LEMD3: variants seen among roughly 807,000 people sequenced by gnomAD.
The protein encoded by LEMD3 is inner nuclear membrane protein Man1.
Under a neutral mutation model 95.2 loss-of-function variants are expected in LEMD3, and 33 were observed. That is an observed-to-expected ratio of 0.35 (90% CI 0.26 to 0.46). The LOEUF (loss-of-function observed/expected upper bound fraction) is 0.46, where lower values mean the gene tolerates loss of function less well. Ranked by LOEUF, LEMD3 falls within the 20% of genes least tolerant of loss-of-function variation. The pLI is 1.00. For synonymous variants in LEMD3, 525 were observed against 474.6 expected (o/e 1.11, Z -1.38); for missense variants, 1,210 against 1,192.8 (o/e 1.01, Z -0.21).
In LEMD3 at chr12:65,246,847, A is replaced by C. The variant is rs1331005497; in HGVS notation, c.*522A>C. The C allele has an allele frequency of 2.5e-5, 4 of 160,148 alleles. No individual in the cohort carries two copies. The highest frequency in any genetic ancestry group is 2.5e-4 in the Admixed American group (4 of 16,170). The allele number at this position is 160,148 out of a possible 1,614,324, so 9.9% of individuals were successfully genotyped here. On this transcript the variant is annotated 3_prime_UTR_variant, in exon 13 of 13. Coordinates refer to ENST00000308330, the MANE Select transcript of LEMD3 (RefSeq NM_014319.5). ...AATATGGGAAAATTAATTTGGGCTT[A>C]GTGGTTACAAATATGTGTAAGTGGA...
chr12:65,187,956 T>C (rs1475918488), intron 1 of LEMD3, among the ~76,000 whole-genome samples: 1 of 152,150 alleles, frequency 6.6e-6, no homozygotes, highest in African/African-American at 2.4e-5. Context: ...TTGAATTTAG[T>C]CCTAATCTGG....
At chr12:65,210,157 A>G (rs1331731372) in intron 1 of LEMD3, among the ~76,000 whole-genome samples, 1 of 152,072 alleles carries the variant, frequency 6.6e-6, no homozygotes, top group Non-Finnish European at 1.5e-5. Context: ...GTTGGATGGA[A>G]AGTGGTAAAT....
intron 3 of LEMD3, 50 bp from the exon 4 acceptor site, chr12:65,218,502 C>A: frequency 9.3e-7 from 1 of 1,076,752 alleles, no homozygotes; most frequent in South Asian, 1.4e-5. Context: ...TTGTTTTCTT[C>A]TGTTTAAGAG....
At chr12:65,198,215 G>A (rs1236413910) in intron 1 of LEMD3, among the ~76,000 whole-genome samples, 1 of 152,050 alleles carries the variant, frequency 6.6e-6, no homozygotes, top group East Asian at 1.9e-4. Context: ...AACAGTTAAT[G>A]TTTAAAATTT....
chr12:65,194,042 C>T lies in LEMD3; in HGVS notation c.1523-16884C>T, dbSNP rs554982763. Among the ~76,000 whole-genome samples the T allele has an allele frequency of 3.3e-5, 5 of 152,158 alleles. No individual in the cohort carries two copies. In the South Asian group the frequency reaches 1.0e-3, roughly 32 times the overall value. ...ATTAAACCAACAATATTGAGCTAGTCTTATTTACCCAAGATTTACCCAAGT... is the reference window on the plus strand; with the variant it reads ...ATTAAACCAACAATATTGAGCTAGTTTTATTTACCCAAGATTTACCCAAGT... On this transcript the variant is annotated intron_variant, in intron 1 of 12. Coordinates refer to ENST00000308330, the MANE Select transcript of LEMD3 (RefSeq NM_014319.5).
intron 1 of LEMD3, among the ~76,000 whole-genome samples, chr12:65,189,157 T>G (rs1257290237): frequency 6.6e-6 from 1 of 152,134 alleles, no homozygotes; most frequent in African/African-American, 2.4e-5. Flanking sequence ...GCGAATATGG[T>G]CTCTCTCAAA....
chr12:65,243,295 T>C, intron 9 of LEMD3, 93 bp from the exon 10 acceptor site: 1 of 796,544 alleles, frequency 1.3e-6, no homozygotes, highest in Non-Finnish European at 2.3e-6. Flanking sequence ...AGTAAAAGCA[T>C]GCAGTGAATA....
At chr12:65,238,169 G>A (rs1870825723) in intron 4 of LEMD3, among the ~76,000 whole-genome samples, 1 of 152,088 alleles carries the variant, frequency 6.6e-6, no homozygotes, top group South Asian at 2.1e-4. Flanking sequence ...CAACTACTTG[G>A]GAGGCTGAGG....
At position 65,240,271 on chromosome 12, in the gene LEMD3, CAG is replaced by C. The variant is rs1237643699; in HGVS notation, c.2126+35_2126+36del. On this transcript the variant is annotated intron_variant, in intron 8 of 12. Coordinates refer to ENST00000308330, the MANE Select transcript of LEMD3 (RefSeq NM_014319.5). Reference sequence around the variant, plus strand: ...CAAAGCATTATGAGTTCAAGTAAATCAGAAAATTTAAGTGCTTTCTGCAGTAT... The same window carrying C: ...CAAAGCATTATGAGTTCAAGTAAATCAAAATTTAAGTGCTTTCTGCAGTAT... 5 of 1,494,954 alleles carry C rather than the reference CAG, an allele frequency of 3.3e-6. No individual in the cohort carries two copies. The African/African-American group carries it at 6.9e-5, about 21-fold the overall frequency. The allele number at this position is 1,494,954 out of a possible 1,614,324, so 92.6% of individuals were successfully genotyped here.
At chr12:65,191,160 A>G (rs916036142) in intron 1 of LEMD3, among the ~76,000 whole-genome samples, 2 of 152,052 alleles carry the variant, frequency 1.3e-5, no homozygotes, top group African/African-American at 4.8e-5. Context: ...TCTTAAAGTT[A>G]TAAGAAACCT....
Position 65,170,316 on chromosome 12 carries a change from G to C in LEMD3, c.720G>C (p.Ala240=). The change falls in exon 1 of 13, where the codon GCG becomes GCC. Residue 240 remains alanine (A), a synonymous_variant. Coordinates refer to ENST00000308330, the MANE Select transcript of LEMD3 (RefSeq NM_014319.5). ...RDPETEEPLW[A]SRTVNGSRLV... is the part of the protein sequence containing the mutation. ...CGGAGACCGAGGAGCCGCTCTGGGC[G>C]AGCCGGACCGTGAATGGCAGCCGGC... The C allele has an allele frequency of 6.3e-7, 1 of 1,595,260 alleles. No individual in the cohort carries two copies. The highest frequency in any genetic ancestry group is 8.5e-7 in the Non-Finnish European group (1 of 1,170,726).
At chr12:65,218,290 G>A (rs1870170537) in intron 3 of LEMD3, among the ~76,000 whole-genome samples, 1 of 152,164 alleles carries the variant, frequency 6.6e-6, no homozygotes, top group African/African-American at 2.4e-5. Flanking sequence ...ATAAGTTCTT[G>A]TTTGGACTGA....
At chr12:65,197,228 A>G (rs1869460955) in intron 1 of LEMD3, among the ~76,000 whole-genome samples, 1 of 152,070 alleles carries the variant, frequency 6.6e-6, no homozygotes, top group African/African-American at 2.4e-5. Context: ...TAGTAGTCAT[A>G]TTTCCCATCT....
chr12:65,216,125 A>G, intron 3 of LEMD3, 82 bp downstream of exon 3: 1 of 893,674 alleles, frequency 1.1e-6, no homozygotes, highest in Non-Finnish European at 1.9e-6. Flanking sequence ...TATTTTTCCA[A>G]GTCCAGTGTT....
intron 2 of LEMD3, 82 bp from the exon 3 acceptor site, chr12:65,215,895 G>T (rs115287251): frequency 6.3e-5 from 28 of 446,828 alleles, no homozygotes; most frequent in South Asian, 2.2e-4. Flanking sequence ...TAAATTTACT[G>T]TTTTTTTTTT....
chr12:65,201,017 G>C (rs184935834), intron 1 of LEMD3, among the ~76,000 whole-genome samples: 1 of 152,106 alleles, frequency 6.6e-6, no homozygotes, highest in African/African-American at 2.4e-5. Flanking sequence ...TTTTGCATGT[G>C]AGTATCCAGG....
intron 4 of LEMD3, among the ~76,000 whole-genome samples, chr12:65,235,460 C>T (rs1044378084): frequency 1.3e-5 from 2 of 152,004 alleles, no homozygotes; most frequent in Non-Finnish European, 2.9e-5. Flanking sequence ...GTTGGCCCTA[C>T]GTATACATGG....
intron 4 of LEMD3, among the ~76,000 whole-genome samples, chr12:65,237,226 T>A (rs1476763660): frequency 6.6e-6 from 1 of 152,152 alleles, no homozygotes; most frequent in Non-Finnish European, 1.5e-5. Context: ...ATGAGAACAG[T>A]GGCATTGTTA....
chr12:65,231,406 T>C (rs1870624520), intron 4 of LEMD3, among the ~76,000 whole-genome samples: 1 of 152,160 alleles, frequency 6.6e-6, no homozygotes, highest in African/African-American at 2.4e-5. Flanking sequence ...TAATATTGGC[T>C]AGGCACAGTG....
Sources: allele counts gnomAD v4.1 joint callset (sites outside exome capture counted in the v4.1 genomes callset), GRCh38; gene constraint gnomAD v4.1.1; transcripts MANE v1.5; gene names NCBI Gene and HGNC (gene_info 2026-07-23, HGNC 2026-07-21).